Variants in EYS observed in about 807,000 individuals in gnomAD.
EYS encodes EGF-like photoreceptor maintenance factor, also known as protein eyes shut homolog.
In EYS, 250 loss-of-function variants were observed where a neutral mutation model predicts 282.1. That is an observed-to-expected ratio of 0.89 (90% CI 0.80 to 0.98). EYS has a LOEUF of 0.98. Among genes scored for constraint, EYS ranks in the 50% least tolerant of loss-of-function variants. The probability of loss-of-function intolerance (pLI) is 0.00; values close to 1 mark genes in which losing one functional copy is unlikely to be tolerated. For synonymous variants in EYS, 1,355 were observed against 1,282.9 expected (o/e 1.06, Z -1.20); for missense variants, 4,016 against 3,709.0 (o/e 1.08, Z -2.15).
chr6:63,876,265 C>T (rs546946897), intron 35 of EYS, among the ~76,000 whole-genome samples: 15 of 152,176 alleles, frequency 9.9e-5, no homozygotes, highest in Non-Finnish European at 1.8e-4. Context: ...GTTCAGTTTC[C>T]ATGTAGTTGA....
chr6:64,726,511 T>C (rs1041297302), intron 22 of EYS, among the ~76,000 whole-genome samples: 4 of 152,154 alleles, frequency 2.6e-5, no homozygotes, highest in Non-Finnish European at 4.4e-5. Context: ...AAAACTATAT[T>C]GTTTAAAGTT....
chr6:65,290,342 TCTAA>T (rs1426389495), intron 12 of EYS, among the ~76,000 whole-genome samples: 5 of 151,132 alleles, frequency 3.3e-5, no homozygotes, highest in South Asian at 2.1e-4. Context: ...TGCAGAAAAG[TCTAA>T]CTATTATAAG....
intron 22 of EYS, among the ~76,000 whole-genome samples, chr6:64,674,767 C>CACACACACACACACATATATAT (rs1223632255): frequency 1.3e-5 from 2 of 150,766 alleles, no homozygotes; most frequent in Non-Finnish European, 3.0e-5. Context: ...TATATACATA[C>CACACACACACACACATATATAT]ACACACACAC....
intron 29 of EYS, among the ~76,000 whole-genome samples, chr6:64,320,983 C>T (rs944576720): frequency 2.6e-5 from 4 of 151,632 alleles, no homozygotes; most frequent in Non-Finnish European, 4.4e-5. Flanking sequence ...GTTTCCAGTA[C>T]CAAACCCTTA....
At chr6:65,338,385 T>G (rs1770071452) in intron 10 of EYS, among the ~76,000 whole-genome samples, 1 of 150,672 alleles carries the variant, frequency 6.6e-6, no homozygotes, top group South Asian at 2.1e-4. Context: ...ATTTCTCAAC[T>G]TTGTGTATAC....
chr6:64,988,207 T>G (rs1461756711), intron 14 of EYS, among the ~76,000 whole-genome samples: 1 of 151,424 alleles, frequency 6.6e-6, no homozygotes, highest in Non-Finnish European at 1.5e-5. Flanking sequence ...TCACTTGGAC[T>G]TAGCCAGATT....
At chr6:64,667,372 A>G (rs1427150307) in intron 22 of EYS, among the ~76,000 whole-genome samples, 1 of 151,830 alleles carries the variant, frequency 6.6e-6, no homozygotes, top group Non-Finnish European at 1.5e-5. Context: ...GTGGGTGGAG[A>G]GAGCAGATGC....
chr6:65,032,534 CT>C (rs1772637067), intron 13 of EYS, among the ~76,000 whole-genome samples: 1 of 152,134 alleles, frequency 6.6e-6, no homozygotes, highest in South Asian at 2.1e-4. Flanking sequence ...CTTGCTCCTG[CT>C]TTTACCATGT....
intron 12 of EYS, among the ~76,000 whole-genome samples, chr6:65,263,703 CTGTGTGTG>C (rs3042394): frequency 7.1e-5 from 10 of 141,404 alleles, no homozygotes; most frequent in East Asian, 2.1e-4. Flanking sequence ...CAAGGCAAAG[CTGTGTGTG>C]TGTGTGTGTG....
chr6:64,423,999 A>T, intron 28 of EYS, among the ~76,000 whole-genome samples: 1 of 152,200 alleles, frequency 6.6e-6, no homozygotes, highest in East Asian at 1.9e-4. Context: ...TTCATTTTGC[A>T]TTCCCTTTTA....
At chr6:64,665,297 A>G (rs934029670) in intron 22 of EYS, among the ~76,000 whole-genome samples, 2 of 152,236 alleles carry the variant, frequency 1.3e-5, no homozygotes, top group Non-Finnish European at 2.9e-5. Context: ...GCAAGAGTGA[A>G]GTAGAAATGA....
intron 5 of EYS, among the ~76,000 whole-genome samples, chr6:65,489,196 C>A (rs1430337420): frequency 1.3e-5 from 2 of 152,136 alleles, no homozygotes; most frequent in Non-Finnish European, 2.9e-5. Context: ...AGGCAACCTA[C>A]AGAATGGGAG....
At chr6:64,752,199 TA>T (rs1409937647) in intron 22 of EYS, among the ~76,000 whole-genome samples, 5 of 151,540 alleles carry the variant, frequency 3.3e-5, no homozygotes, top group Non-Finnish European at 7.4e-5. Flanking sequence ...AAATGTGATT[TA>T]AAAAAAACTC....
intron 35 of EYS, among the ~76,000 whole-genome samples, chr6:63,878,426 G>A (rs1454275983): frequency 6.6e-6 from 1 of 152,164 alleles, no homozygotes; most frequent in African/African-American, 2.4e-5. Context: ...CGGGGGTCCG[G>A]GACCCACTTG....
At position 64,590,845 on chromosome 6, in the gene EYS, G is replaced by C. The variant is rs1024206960; in HGVS notation, c.5022C>G (p.Ile1674Met). 3.9e-6 allele frequency: 6 copies of C among 1,550,668 alleles called. No homozygotes were observed. The highest frequency in any genetic ancestry group is 2.0e-5 in the Admixed American group (1 of 50,952). ...TCLSIVPSQTISSDLMNSDLT... is the reference protein window; with the variant it reads ...TCLSIVPSQTMSSDLMNSDLT... Reference sequence around the variant, plus strand: ...AATCAGAATTCATCAAGTCTGAAGAGATAGTTTGTGAAGGGACAATGGATA... The same window carrying C: ...AATCAGAATTCATCAAGTCTGAAGACATAGTTTGTGAAGGGACAATGGATA... Residue 1674 changes from isoleucine to methionine, a missense_variant, in exon 26 of 43, where the codon ATC (isoleucine) becomes ATG (methionine). Physicochemically the swap from Ile to Met is conservative, Grantham distance 10. Transcript: ENST00000503581.
At chr6:64,482,535 A>G (rs9451736) in intron 26 of EYS, among the ~76,000 whole-genome samples, 2,944 of 151,820 alleles carry the variant, frequency 0.019, 46 homozygotes, top group African/African-American at 0.046. Flanking sequence ...TTTAATGGAC[A>G]TAGTAGTTTC....
At chr6:64,743,289 T>C (rs1006627416) in intron 22 of EYS, among the ~76,000 whole-genome samples, 4 of 152,138 alleles carry the variant, frequency 2.6e-5, no homozygotes, top group African/African-American at 9.7e-5. Context: ...TTCATAAATA[T>C]GACATGTGTA....
intron 18 of EYS, among the ~76,000 whole-genome samples, chr6:64,888,067 T>C (rs1159808814): frequency 6.6e-6 from 1 of 152,036 alleles, no homozygotes; most frequent in Non-Finnish European, 1.5e-5. Context: ...TGAAGAGTAT[T>C]TCATTGTTTA....
rs35139594 is a variant in EYS, at chr6:64,159,559, TAAAAAAAAAAAAA to T, written c.6424+71020_6424+71032del. Among the ~76,000 whole-genome samples, 32 of 59,946 alleles carry T rather than the reference TAAAAAAAAAAAAA, an allele frequency of 5.3e-4. No homozygotes were observed. In the South Asian group the frequency reaches 0.02, roughly 38 times the overall value. The allele number at this position is 59,946 out of a possible 152,430, so 39.3% of individuals were successfully genotyped here. A position where few individuals can be genotyped will look rare whatever the true frequency, so the allele number is the denominator to read the frequency against. ...TGGGCGACAGAGCGAGACTCTGTCT[TAAAAAAAAAAAAA>T]AAAAAAAAAAAAAAAGTTTATACAT... is the stretch of plus-strand genomic sequence containing the variant. On this transcript the variant is annotated intron_variant, in intron 31 of 42. Coordinates refer to ENST00000503581, the MANE Select transcript of EYS (RefSeq NM_001142800.2).
Sources: gnomAD v4.1 joint callset for allele counts (sites outside exome capture counted in the v4.1 genomes callset) on GRCh38, gnomAD v4.1.1 for gene constraint, MANE v1.5 for transcripts, NCBI Gene and HGNC (gene_info 2026-07-23, HGNC 2026-07-21) for gene names.